PODN: variants seen among roughly 807,000 people sequenced by gnomAD.
PODN encodes podocan proteoglycan.
Under a neutral mutation model 52.7 loss-of-function variants are expected in PODN, and 40 were observed. The ratio of observed to expected loss-of-function variants is 0.76; its 90% CI spans 0.59 to 0.99. The LOEUF is 0.99. Among genes scored for constraint, PODN ranks in the 50% least tolerant of loss-of-function variants. The pLI is 0.00. For missense variants in PODN, 720 were observed against 815.1 expected, an observed-to-expected ratio of 0.88 and a Z score of 1.42; for synonymous variants, 396 against 377.9, an observed-to-expected ratio of 1.05 and a Z score of -0.56.
chr1:53,067,568 C>G (rs1644051334), intron 1 of PODN, among the ~76,000 whole-genome samples: 1 of 152,124 alleles, frequency 6.6e-6, no homozygotes, highest in Non-Finnish European at 1.5e-5. Context: ...TCAGAGGCGG[C>G]TACGATGTCT....
intron 1 of PODN, among the ~76,000 whole-genome samples, chr1:53,066,396 CATTAAT>C (rs1186168836): frequency 1.3e-5 from 2 of 152,154 alleles, no homozygotes; most frequent in African/African-American, 2.4e-5. Context: ...GATTTGATGT[CATTAAT>C]ATTAATATTA....
In PODN at chr1:53,082,110, G is replaced by A; in HGVS notation, c.1791G>A (p.Lys597=). The A allele has an allele frequency of 6.2e-7, 1 of 1,613,968 alleles. No individual in the cohort carries two copies. The highest frequency in any genetic ancestry group is 8.5e-7 in the Non-Finnish European group (1 of 1,179,978). The change falls in exon 10 of 11, where the codon AAG becomes AAA. Residue 597 remains lysine, a synonymous_variant. Transcript: ENST00000312553. ...DISKDRGRLG[K]EKEEEEEEEE... ...CCAAGGACCGTGGCCGCTTGGGGAA[G>A]GAAAAGGAGGAGGAGGAAGAGGAGG...
chr1:53,064,008 C>T (rs755680889), intron 1 of PODN, among the ~76,000 whole-genome samples: 8 of 152,198 alleles, frequency 5.3e-5, no homozygotes, highest in Non-Finnish European at 7.3e-5. Flanking sequence ...TCTCCCACTC[C>T]GTCCACTTGG....
At position 53,069,825 on chromosome 1, in the gene PODN, C is replaced by T. The variant is rs200263900; in HGVS notation, c.-31C>T. The T allele has an allele frequency of 9.9e-5, 157 of 1,582,030 alleles. No individual in the cohort carries two copies. Among genetic ancestry groups the T allele is most frequent in the East Asian group, 4.4e-4 (19 of 43,320 alleles). The stretch of plus-strand genomic sequence containing the variant: ...GGTTCCGTCAGCCCTGGCGCCCAGG[C>T]GCATCTGACTCGGCACCCCCTGCAG... On this transcript the variant is annotated 5_prime_UTR_variant, in exon 2 of 11. Coordinates refer to ENST00000312553, the MANE Select transcript of PODN (RefSeq NM_153703.5).
intron 4 of PODN, 58 bp from the exon 5 acceptor site, chr1:53,075,804 C>T: frequency 7.0e-7 from 1 of 1,433,280 alleles, no homozygotes. Context: ...GGCAGTGGGA[C>T]CCACAGCTGG....
At position 53,069,898 on chromosome 1, in the gene PODN, C is replaced by T. The variant is rs770116174; in HGVS notation, c.43C>T (p.Pro15Ser). 1.8e-5 allele frequency: 28 copies of T among 1,569,008 alleles called. No homozygotes were observed. Among genetic ancestry groups the T allele is most frequent in the Non-Finnish European group, 2.3e-5 (27 of 1,157,684 alleles). ...GCTGCTGCTCCTGCTGCTGCTGCCG[C>T]CACAGCTGCACCTGGGACCTGTGCT... The part of the protein sequence containing the change: ...RVLLLLLLLP[P>S]QLHLGPVLAV... The change falls in exon 2 of 11, where the codon CCA (proline) becomes TCA (serine). Residue 15 changes from proline (P) to serine (S), a missense_variant. By Grantham distance (74) the Pro-to-Ser change is moderately conservative. Transcript: ENST00000312553.
chr1:53,074,066 G>A (rs561181436), intron 3 of PODN, among the ~76,000 whole-genome samples: 1 of 152,376 alleles, frequency 6.6e-6, no homozygotes, highest in South Asian at 2.1e-4. Flanking sequence ...ATATGTGGGT[G>A]AGGTCCAGCA....
intron 1 of PODN, among the ~76,000 whole-genome samples, chr1:53,068,891 C>T (rs1158806824): frequency 6.6e-6 from 1 of 152,138 alleles, no homozygotes; most frequent in Non-Finnish European, 1.5e-5. Flanking sequence ...CGGGGCCATG[C>T]CAGGGAGTGG....
At chr1:53,069,699 C>G in intron 1 of PODN, 102 bp from the exon 2 acceptor site, 1 of 1,446,942 alleles carries the variant, frequency 6.9e-7, no homozygotes, top group Non-Finnish European at 9.1e-7. Flanking sequence ...AGTCAGTCAT[C>G]GGCTGGGCTC....
rs762597924 is a variant in PODN, at chr1:53,078,993, C to T, written c.1483C>T (p.Arg495Cys). The change falls in exon 8 of 11, where the codon CGT becomes TGT. Residue 495 changes from arginine (R) to cysteine (C), a missense_variant. Coordinates refer to ENST00000312553, the MANE Select transcript of PODN (RefSeq NM_153703.5). ...ACTGCGCAGCCGAGCCCTGGGCCCC[C>T]GTGCCTGGGTGGACCTCGCCCATCT... ...NRLRSRALGP[R>C]AWVDLAHLQL... 10 of 1,563,936 alleles carry T rather than the reference C, an allele frequency of 6.4e-6. No individual in the cohort carries two copies. Among genetic ancestry groups the T allele is most frequent in the South Asian group, 5.8e-5 (5 of 85,664 alleles).
intron 3 of PODN, among the ~76,000 whole-genome samples, chr1:53,071,876 A>G (rs1202253653): frequency 6.6e-6 from 1 of 151,838 alleles, no homozygotes; most frequent in Admixed American, 6.6e-5. Flanking sequence ...ATAGTCACTT[A>G]CTTTAATAAC....
Position 53,079,396 on chromosome 1 carries a change from C to T in PODN, c.1512+374C>T, listed in dbSNP as rs184504380. Among the ~76,000 whole-genome samples, 433 of 152,228 alleles carry T rather than the reference C, an allele frequency of 2.8e-3. 1 individual carries two copies. The highest frequency in any genetic ancestry group is 9.5e-3 in the African/African-American group (396 of 41,528). The stretch of plus-strand genomic sequence containing the variant: ...GGAAGGTCATGGCTGCAGGTAGGGG[C>T]CCTAGGCTCAGGAGGACCGGGGGCC... On this transcript the variant is annotated intron_variant, in intron 8 of 10. Coordinates refer to ENST00000312553, the MANE Select transcript of PODN (RefSeq NM_153703.5).
intron 10 of PODN, among the ~76,000 whole-genome samples, chr1:53,083,981 G>A (rs1341824078): frequency 6.6e-6 from 1 of 152,140 alleles, no homozygotes; most frequent in Non-Finnish European, 1.5e-5. Context: ...GGCTGTTGAG[G>A]GCCACTTGGG....
intron 9 of PODN, 90 bp from the exon 10 acceptor site, chr1:53,081,891 C>A: frequency 1.3e-6 from 2 of 1,505,742 alleles, no homozygotes; most frequent in Non-Finnish European, 1.8e-6. Context: ...CCATTCCCTC[C>A]CCTGTTACCT....
At position 53,069,215 on chromosome 1, in the gene PODN, A is replaced by T. The variant is rs1344066408; in HGVS notation, c.-55-586A>T. Among the ~76,000 whole-genome samples, 30 of 152,218 alleles carry T rather than the reference A, an allele frequency of 2.0e-4. 1 individual carries two copies. Among genetic ancestry groups the T allele is most frequent in the Admixed American group, 2.0e-3 (30 of 15,286 alleles). On this transcript the variant is annotated intron_variant, in intron 1 of 10. Transcript: ENST00000312553. ...CTCTTCCCATGTTCATAGCACTGGA[A>T]TTGGTTCCCAGAAAAGAAAATGCTG...
Position 53,070,134 on chromosome 1 carries a change from C to A in PODN, c.279C>A (p.Asp93Glu), listed in dbSNP as rs1439816026. Residue 93 changes from aspartate (D) to glutamate (E), a missense_variant, in exon 2 of 11, where the codon GAC (aspartate) becomes GAA (glutamate). Transcript: ENST00000312553. ...TTGACCTGCGTGAGTTCCCGGGGGA[C>A]CTGCCTGAGCACACCAACCACCTAT... ...GGIDLREFPG[D>E]LPEHTNHLSL... The A allele has an allele frequency of 1.2e-6, 2 of 1,610,886 alleles. No homozygotes were observed. Among genetic ancestry groups the A allele is most frequent in the Non-Finnish European group, 1.7e-6 (2 of 1,179,968 alleles).
At chr1:53,077,858 A>C in intron 7 of PODN, 58 bp downstream of exon 7, 5 of 1,433,880 alleles carry the variant, frequency 3.5e-6, no homozygotes, top group Non-Finnish European at 4.9e-6. Flanking sequence ...AAGCTCCTTC[A>C]GGGCCAACCA....
chr1:53,084,155 C>T (rs537211973), intron 10 of PODN, among the ~76,000 whole-genome samples: 1 of 151,814 alleles, frequency 6.6e-6, no homozygotes, highest in African/African-American at 2.4e-5. Context: ...AGCTGGTTCT[C>T]TGAGGTGTTG....
chr1:53,062,234 A>G lies in PODN; in HGVS notation c.-130A>G. 1 of 1,274,378 alleles carries G rather than the reference A, an allele frequency of 7.8e-7. No individual in the cohort carries two copies. The allele number at this position is 1,274,378 out of a possible 1,614,324, so 78.9% of individuals were successfully genotyped here. A position where few individuals can be genotyped will look rare whatever the true frequency, so the allele number is the denominator to read the frequency against. ...GCTTGACTTGAATGGAAGGAGCCCGAGCCCGCGGAGCGCAGCTGAGACTGG... is the reference window on the plus strand; with the variant it reads ...GCTTGACTTGAATGGAAGGAGCCCGGGCCCGCGGAGCGCAGCTGAGACTGG... On this transcript the variant is annotated 5_prime_UTR_variant, in exon 1 of 11. Coordinates refer to ENST00000312553, the MANE Select transcript of PODN (RefSeq NM_153703.5).
Sources: gnomAD v4.1 joint callset for allele counts (sites outside exome capture counted in the v4.1 genomes callset) on GRCh38, gnomAD v4.1.1 for gene constraint, MANE v1.5 for transcripts, NCBI Gene and HGNC (gene_info 2026-07-23, HGNC 2026-07-21) for gene names.